RNF150: variants seen among roughly 807,000 people sequenced by gnomAD.
RNF150 encodes the protein ring finger protein 150.
Under a neutral mutation model 39.3 loss-of-function variants are expected in RNF150, and 24 were observed. The ratio of observed to expected loss-of-function variants is 0.61; its 90% CI spans 0.44 to 0.86. The LOEUF is 0.86. Among genes scored for constraint, RNF150 ranks in the 40% least tolerant of loss-of-function variants. The pLI, the probability that RNF150 is intolerant of heterozygous loss-of-function variation, is 0.00. For synonymous variants in RNF150, 255 were observed against 227.3 expected, an observed-to-expected ratio of 1.12 and a Z score of -1.10; for missense variants, 502 against 587.8, an observed-to-expected ratio of 0.85 and a Z score of 1.51.
chr4:141,206,185 C>G (rs928973218), intron 1 of RNF150, among the ~76,000 whole-genome samples: 1 of 151,810 alleles, frequency 6.6e-6, no homozygotes, highest in African/African-American at 2.4e-5. Flanking sequence ...TTTGGGAGGC[C>G]GAGGCAGGTG....
At chr4:141,174,482 G>T (rs1023117701) in intron 1 of RNF150, among the ~76,000 whole-genome samples, 3 of 152,152 alleles carry the variant, frequency 2.0e-5, no homozygotes, top group Non-Finnish European at 2.9e-5. Context: ...GAAGTTTTCT[G>T]TGACTTGCAA....
chr4:140,875,707 T>C (rs1378277964), intron 6 of RNF150, among the ~76,000 whole-genome samples: 2 of 151,828 alleles, frequency 1.3e-5, no homozygotes, highest in African/African-American at 4.9e-5. Context: ...ACAGAATGGC[T>C]TGGTTTTGTT....
At position 140,999,978 on chromosome 4, in the gene RNF150, AAGAAGAAAAGAAG is replaced by A. The variant is rs1734549360; in HGVS notation, c.485-32118_485-32106del. 4.4e-4 allele frequency among the ~76,000 whole-genome samples: 8 copies of A among 18,212 alleles called. 1 individual carries two copies. The highest frequency in any genetic ancestry group is 9.5e-4 in the Non-Finnish European group (8 of 8,384). 11.9% of individuals were successfully genotyped at this position (18,212 alleles called of 152,430 possible). ...AGAAGAAGAAGAAGAAGAAGAAGAA[AAGAAGAAAAGAAG>A]AAAAGAAGAAGAAGAAGAAGAAGAA... On this transcript the variant is annotated intron_variant, in intron 1 of 6. Coordinates refer to ENST00000515673, the MANE Select transcript of RNF150 (RefSeq NM_020724.2).
chr4:141,111,264 C>CT, intron 1 of RNF150, among the ~76,000 whole-genome samples: 1 of 152,292 alleles, frequency 6.6e-6, no homozygotes, highest in South Asian at 2.1e-4. Context: ...AGGCAATAAA[C>CT]TTTTAGGGCT....
intron 1 of RNF150, among the ~76,000 whole-genome samples, chr4:140,993,333 G>T (rs1180347958): frequency 1.3e-5 from 2 of 152,028 alleles, no homozygotes; most frequent in Non-Finnish European, 2.9e-5. Flanking sequence ...TTCTCTCTGT[G>T]ACCCTCATGC....
intron 1 of RNF150, among the ~76,000 whole-genome samples, chr4:141,089,196 G>A (rs144512566): frequency 1.3e-5 from 2 of 152,284 alleles, no homozygotes; most frequent in Non-Finnish European, 2.9e-5. Context: ...GACAGCAGGA[G>A]TGGGTAATGA....
chr4:141,013,619 T>C lies in RNF150; in HGVS notation c.485-45746A>G, dbSNP rs546401245. Among the ~76,000 whole-genome samples, 9 of 152,342 alleles carry C rather than the reference T, an allele frequency of 5.9e-5. No individual in the cohort carries two copies. The East Asian group carries it at 1.7e-3, about 29-fold the overall frequency. ...TCACTCCAGTCTCTGAGGAAGTTTT[T>C]GTTTTTTTCCAATGCAACCTCTCCT... On this transcript the variant is annotated intron_variant, in intron 1 of 6. Transcript: ENST00000515673.
intron 1 of RNF150, among the ~76,000 whole-genome samples, chr4:140,991,476 G>A (rs144699388): frequency 1.3e-5 from 2 of 152,176 alleles, no homozygotes; most frequent in Admixed American, 6.5e-5. Context: ...GGTTTTTATA[G>A]ATTTGGGTTT....
intron 6 of RNF150, among the ~76,000 whole-genome samples, chr4:140,896,412 T>G (rs1729943088): frequency 4.0e-5 from 1 of 24,754 alleles, no homozygotes; most frequent in Non-Finnish European, 7.9e-5. Context: ...TTGGAAACCA[T>G]CATTCTCAGT....
rs182443106 is a variant in RNF150, at chr4:141,023,071, A to G, written c.485-55198T>C. On this transcript the variant is annotated intron_variant, in intron 1 of 6. Transcript: ENST00000515673. ...CACCAAGTTTAGAAATAATGAGAGA[A>G]AATTTGAGTGTACTAAGTGCCTTCC... 7.8e-4 allele frequency among the ~76,000 whole-genome samples: 119 copies of G among 152,314 alleles called. 1 individual carries two copies. Among genetic ancestry groups the G allele is most frequent in the African/African-American group, 2.3e-3 (97 of 41,568 alleles).
At chr4:141,101,776 A>G (rs1056455243) in intron 1 of RNF150, among the ~76,000 whole-genome samples, 2 of 152,000 alleles carry the variant, frequency 1.3e-5, no homozygotes, top group African/African-American at 4.8e-5. Context: ...CTCCATTATA[A>G]TCTTTTATTT....
intron 2 of RNF150, among the ~76,000 whole-genome samples, chr4:140,965,759 T>C (rs557772427): frequency 6.6e-6 from 1 of 151,010 alleles, no homozygotes; most frequent in Non-Finnish European, 1.5e-5. Context: ...AGTGGGGGAG[T>C]GGAGAGAAAA....
In RNF150 at chr4:141,107,890, G is replaced by T. The variant is rs1257235726; in HGVS notation, c.484+24435C>A. On this transcript the variant is annotated intron_variant, in intron 1 of 6. Coordinates refer to ENST00000515673, the MANE Select transcript of RNF150 (RefSeq NM_020724.2). Reference sequence around the variant, plus strand: ...CATCATTAAAATGTCATTACATTGGGCTGAGACAAAGGTAGAGAATTTGCC... The same window carrying T: ...CATCATTAAAATGTCATTACATTGGTCTGAGACAAAGGTAGAGAATTTGCC... 3.9e-5 allele frequency among the ~76,000 whole-genome samples: 6 copies of T among 152,112 alleles called. No individual in the cohort carries two copies. In the East Asian group the frequency reaches 1.2e-3, roughly 29 times the overall value.
At chr4:141,003,601 ACACACACG>A (rs1734753973) in intron 1 of RNF150, among the ~76,000 whole-genome samples, 1 of 133,652 alleles carries the variant, frequency 7.5e-6, no homozygotes, top group Non-Finnish European at 1.7e-5. Flanking sequence ...ACACACACAC[ACACACACG>A]TGTGCACACT....
chr4:140,982,957 A>T (rs1473214674), intron 1 of RNF150, among the ~76,000 whole-genome samples: 1 of 152,176 alleles, frequency 6.6e-6, no homozygotes, highest in Non-Finnish European at 1.5e-5. Flanking sequence ...TCGAATTTTC[A>T]TCAGCGATGA....
intron 1 of RNF150, among the ~76,000 whole-genome samples, chr4:141,063,976 C>T (rs1433245413): frequency 2.8e-5 from 3 of 107,500 alleles, no homozygotes; most frequent in Non-Finnish European, 5.6e-5. Flanking sequence ...AATGAATCAA[C>T]GACAAAAAGT....
intron 1 of RNF150, among the ~76,000 whole-genome samples, chr4:141,129,772 C>A (rs1726843857): frequency 6.6e-6 from 1 of 152,044 alleles, no homozygotes; most frequent in Non-Finnish European, 1.5e-5. Flanking sequence ...AAGAAAAAAA[C>A]AGAAAACGTA....
intron 1 of RNF150, among the ~76,000 whole-genome samples, chr4:141,083,937 C>A (rs1387295339): frequency 6.6e-6 from 1 of 152,176 alleles, no homozygotes; most frequent in Non-Finnish European, 1.5e-5. Flanking sequence ...AGATTTTATA[C>A]CCCTGCCTCC....
intron 1 of RNF150, among the ~76,000 whole-genome samples, chr4:141,099,677 A>T (rs561999774): frequency 1.3e-5 from 2 of 152,146 alleles, no homozygotes; most frequent in Non-Finnish European, 1.5e-5. Flanking sequence ...TCAGGGGAGT[A>T]GATGGATAAA....
Sources: allele counts gnomAD v4.1 joint callset (sites outside exome capture counted in the v4.1 genomes callset), GRCh38; gene constraint gnomAD v4.1.1; transcripts MANE v1.5; gene names NCBI Gene and HGNC (gene_info 2026-07-23, HGNC 2026-07-21).